The following EDIL3 variants were observed in gnomAD, a reference collection of about 807,000 sequenced individuals.
The protein encoded by EDIL3 is EGF like and discoidin domains 3.
Under a neutral mutation model 67.4 loss-of-function variants are expected in EDIL3, and 37 were observed. The observed-to-expected ratio is 0.55, with a 90% CI of 0.42 to 0.72. The LOEUF (loss-of-function observed/expected upper bound fraction) is 0.72, where lower values mean the gene tolerates loss of function less well. Ranked by LOEUF, EDIL3 falls within the 30% of genes least tolerant of loss-of-function variation. The pLI is 0.00. For missense variants in EDIL3, 527 were observed against 586.3 expected (o/e 0.90, Z 1.04); for synonymous variants, 195 against 196.3 (o/e 0.99, Z 0.05).
intron 9 of EDIL3, among the ~76,000 whole-genome samples, chr5:83,969,503 C>G (rs952854492): frequency 4.6e-5 from 7 of 151,778 alleles, no homozygotes; most frequent in Non-Finnish European, 8.8e-5. Context: ...AAATTTTTAA[C>G]CAATCCCTTG....
At chr5:84,300,234 C>CT (rs1746128847) in intron 1 of EDIL3, among the ~76,000 whole-genome samples, 1 of 152,162 alleles carries the variant, frequency 6.6e-6, no homozygotes, top group East Asian at 1.9e-4. Flanking sequence ...CATCAGCAAC[C>CT]TTGCATCTCT....
At chr5:84,371,795 T>C (rs1747861702) in intron 1 of EDIL3, among the ~76,000 whole-genome samples, 1 of 151,968 alleles carries the variant, frequency 6.6e-6, no homozygotes, top group South Asian at 2.1e-4. Flanking sequence ...TAATATATAT[T>C]CTACCTACAT....
chr5:83,973,242 T>C (rs905227600), intron 9 of EDIL3, among the ~76,000 whole-genome samples: 3 of 152,096 alleles, frequency 2.0e-5, no homozygotes, highest in Admixed American at 2.0e-4. Context: ...GTTAATTGAA[T>C]TAGTCTATAA....
chr5:84,287,798 C>T (rs922100957), intron 1 of EDIL3, among the ~76,000 whole-genome samples: 3 of 152,032 alleles, frequency 2.0e-5, no homozygotes, highest in African/African-American at 7.2e-5. Flanking sequence ...TACACATTTT[C>T]TTTGATTTCC....
intron 9 of EDIL3, among the ~76,000 whole-genome samples, chr5:83,976,194 T>C (rs1434930081): frequency 3.3e-5 from 5 of 151,854 alleles, no homozygotes; most frequent in Non-Finnish European, 7.4e-5. Flanking sequence ...CTTCCAACTC[T>C]TTTGTAGAGT....
chr5:84,363,358 G>T (rs755215360), intron 1 of EDIL3, among the ~76,000 whole-genome samples: 1 of 151,462 alleles, frequency 6.6e-6, no homozygotes, highest in Non-Finnish European at 1.5e-5. Flanking sequence ...GCTGAGGCAG[G>T]AGAATCGCTT....
At chr5:84,315,372 C>T (rs1208491893) in intron 1 of EDIL3, among the ~76,000 whole-genome samples, 5 of 152,106 alleles carry the variant, frequency 3.3e-5, no homozygotes, top group African/African-American at 1.2e-4. Flanking sequence ...ATTTAGATAA[C>T]CTAAATTTTC....
rs1465927632 is a variant in EDIL3, at chr5:84,274,527, T to C, written c.68-20315A>G. Among the ~76,000 whole-genome samples, 4 of 152,216 alleles carry C rather than the reference T, an allele frequency of 2.6e-5. No individual in the cohort carries two copies. In the East Asian group the frequency reaches 7.7e-4, roughly 29 times the overall value. ...TTTAAGTAGTTGAAAAAATGCTTTATGTATTTCTTTCACTATTCATCAGAA... is the reference window on the plus strand; with the variant it reads ...TTTAAGTAGTTGAAAAAATGCTTTACGTATTTCTTTCACTATTCATCAGAA... On this transcript the variant is annotated intron_variant, in intron 1 of 10. Transcript: ENST00000296591.
chr5:84,336,327 G>T (rs1746985337), intron 1 of EDIL3, among the ~76,000 whole-genome samples: 2 of 152,198 alleles, frequency 1.3e-5, no homozygotes, highest in Non-Finnish European at 2.9e-5. Flanking sequence ...ATCAGGTCAT[G>T]AGAAGCCTTG....
intron 9 of EDIL3, among the ~76,000 whole-genome samples, chr5:83,985,236 T>A (rs1745040046): frequency 6.6e-6 from 1 of 152,006 alleles, no homozygotes; most frequent in Non-Finnish European, 1.5e-5. Flanking sequence ...TTAAAACTGC[T>A]CATGATCAAT....
chr5:84,063,711 G>T (rs1212954818), intron 8 of EDIL3, among the ~76,000 whole-genome samples: 2 of 152,078 alleles, frequency 1.3e-5, no homozygotes, highest in Admixed American at 1.3e-4. Flanking sequence ...AAAGCTCACA[G>T]TTGTCTCTTT....
Position 83,943,285 on chromosome 5 carries a change from G to T in EDIL3, c.*134C>A. On this transcript the variant is annotated 3_prime_UTR_variant, in exon 11 of 11. Transcript: ENST00000296591. Reference sequence around the variant, plus strand: ...GACCCCCTTAAAAACACCGTTAGTTGCCTACCATAATTTGAGCACTTTTTC... The same window carrying T: ...GACCCCCTTAAAAACACCGTTAGTTTCCTACCATAATTTGAGCACTTTTTC... 1.7e-6 allele frequency: 2 copies of T among 1,211,422 alleles called. No individual in the cohort carries two copies. The highest frequency in any genetic ancestry group is 2.3e-6 in the Non-Finnish European group (2 of 873,144). 75.0% of individuals were successfully genotyped at this position (1,211,422 alleles called of 1,614,324 possible).
chr5:83,981,300 G>A lies in EDIL3; in HGVS notation c.1138-17940C>T, dbSNP rs1744966219. On this transcript the variant is annotated intron_variant, in intron 9 of 10. Transcript: ENST00000296591. ...CTGGCATTTAAATATAAATATATGT[G>A]TATGTACATATGTATGTACATGTGT... Among the ~76,000 whole-genome samples the A allele has an allele frequency of 2.6e-5, 4 of 151,978 alleles. No homozygotes were observed. The South Asian group carries it at 8.3e-4, about 32-fold the overall frequency.
At chr5:84,264,061 C>A (rs1230901214) in intron 1 of EDIL3, among the ~76,000 whole-genome samples, 5 of 152,028 alleles carry the variant, frequency 3.3e-5, no homozygotes, top group African/African-American at 4.8e-5. Context: ...CATGGTGAAA[C>A]CCTGTTGAGT....
chr5:84,343,507 C>G (rs150587862), intron 1 of EDIL3, among the ~76,000 whole-genome samples: 20 of 152,074 alleles, frequency 1.3e-4, no homozygotes, highest in Middle Eastern at 3.4e-3. Flanking sequence ...GTAAGACAGG[C>G]CAGCTCATCC....
intron 9 of EDIL3, among the ~76,000 whole-genome samples, chr5:84,057,391 C>T (rs1298026591): frequency 7.5e-6 from 1 of 133,084 alleles, no homozygotes; most frequent in African/African-American, 2.9e-5. Context: ...TCCTGAGCTA[C>T]TTATGGGGTG....
At chr5:84,074,547 C>T (rs1746813035) in intron 6 of EDIL3, among the ~76,000 whole-genome samples, 1 of 151,972 alleles carries the variant, frequency 6.6e-6, no homozygotes. Flanking sequence ...AGGACATGAA[C>T]AGACACTTCT....
chr5:84,099,321 G>A (rs1747319713), intron 6 of EDIL3, among the ~76,000 whole-genome samples: 1 of 129,090 alleles, frequency 7.7e-6, no homozygotes, highest in African/African-American at 2.8e-5. Context: ...AACAAAACTG[G>A]AGGCATCACT....
chr5:84,122,633 A>C (rs777354668), intron 5 of EDIL3, among the ~76,000 whole-genome samples: 1 of 151,846 alleles, frequency 6.6e-6, no homozygotes, highest in Non-Finnish European at 1.5e-5. Context: ...GGTCATGATA[A>C]ACATTGTAAT....
Sources: allele counts gnomAD v4.1 joint callset (sites outside exome capture counted in the v4.1 genomes callset), GRCh38; gene constraint gnomAD v4.1.1; transcripts MANE v1.5; gene names NCBI Gene and HGNC (gene_info 2026-07-23, HGNC 2026-07-21).